The following ZC3H12B variants were observed in gnomAD, a reference collection of about 807,000 sequenced individuals.
ZC3H12B encodes probable ribonuclease ZC3H12B.
Under a neutral mutation model 43.9 loss-of-function variants are expected in ZC3H12B, and 7 were observed. The ratio of observed to expected loss-of-function variants is 0.16; its 90% CI spans 0.09 to 0.30. The LOEUF (loss-of-function observed/expected upper bound fraction) is 0.30, where lower values mean the gene tolerates loss of function less well. ZC3H12B is among the 10% of genes least tolerant of loss of function. ZC3H12B has a pLI of 1.00. For synonymous variants in ZC3H12B, 222 were observed against 241.7 expected (o/e 0.92, Z 0.76); for missense variants, 475 against 670.2 (o/e 0.71, Z 3.22).
chrX:65,312,632 A>C, the ZC3H12B span, among the ~76,000 whole-genome samples: 1 of 111,708 alleles, frequency 9.0e-6, no homozygotes, highest in Non-Finnish European at 1.9e-5. Flanking sequence ...ATAAGGAACA[A>C]AAATTTATGT....
At chrX:65,352,874 G>T in the ZC3H12B span, among the ~76,000 whole-genome samples, 1 of 111,631 alleles carries the variant, frequency 9.0e-6, no homozygotes, top group Non-Finnish European at 1.9e-5. Flanking sequence ...CTGGGATAGG[G>T]TCTCGCTCTG....
chrX:65,153,467 A>T, the ZC3H12B span, among the ~76,000 whole-genome samples: 1 of 112,493 alleles, frequency 8.9e-6, no homozygotes, highest in South Asian at 3.6e-4. Flanking sequence ...CAGCCAAAAA[A>T]CACATGAAAA....
the ZC3H12B span, among the ~76,000 whole-genome samples, chrX:65,274,275 C>A: frequency 1.8e-5 from 2 of 111,625 alleles, no homozygotes; most frequent in Non-Finnish European, 3.8e-5. Context: ...GCTGCATTGC[C>A]CCAGATTAGG....
At chrX:65,310,257 G>A in the ZC3H12B span, among the ~76,000 whole-genome samples, 12 of 111,624 alleles carry the variant, frequency 1.1e-4, no homozygotes, top group African/African-American at 3.6e-4. Context: ...AAACCCCATC[G>A]TCTCAGCCCA....
the ZC3H12B span, among the ~76,000 whole-genome samples, chrX:65,137,930 G>A: frequency 8.9e-6 from 1 of 112,398 alleles, no homozygotes; most frequent in Non-Finnish European, 1.9e-5. Flanking sequence ...GTGGGTTCAA[G>A]TGATTGTCCT....
At chrX:65,356,551 A>T in the ZC3H12B span, among the ~76,000 whole-genome samples, 1 of 112,299 alleles carries the variant, frequency 8.9e-6, no homozygotes, top group African/African-American at 3.2e-5. Context: ...TTGCCAAAAA[A>T]ATTCCTTCAT....
At chrX:65,207,217 T>C in the ZC3H12B span, among the ~76,000 whole-genome samples, 1 of 105,919 alleles carries the variant, frequency 9.4e-6, no homozygotes, top group Non-Finnish European at 1.9e-5. Flanking sequence ...CACATGTTTA[T>C]AGGAGCACAT....
the ZC3H12B span, among the ~76,000 whole-genome samples, chrX:65,348,494 T>A: frequency 9.0e-6 from 1 of 111,189 alleles, no homozygotes; most frequent in African/African-American, 3.3e-5. Context: ...AATGACAGGA[T>A]AAAATTCAAA....
intron 3 of ZC3H12B, among the ~76,000 whole-genome samples, chrX:65,483,061 T>C (rs763375608): frequency 1.8e-5 from 2 of 112,252 alleles, no homozygotes; most frequent in Non-Finnish European, 3.8e-5. Flanking sequence ...CAGTTGTTTT[T>C]AGCTCTGATT....
At chrX:65,160,854 A>G in the ZC3H12B span, among the ~76,000 whole-genome samples, 5 of 110,233 alleles carry the variant, frequency 4.5e-5, no homozygotes, top group African/African-American at 1.3e-4. Context: ...TGTGATGTTA[A>G]AGTGTCAATT....
At chrX:65,123,390 T>C in the ZC3H12B span, among the ~76,000 whole-genome samples, 1 of 111,350 alleles carries the variant, frequency 9.0e-6, no homozygotes, top group African/African-American at 3.3e-5. Flanking sequence ...AAATTCTCTT[T>C]TTGTGTGTGT....
the ZC3H12B span, among the ~76,000 whole-genome samples, chrX:65,323,111 T>A: frequency 8.9e-6 from 1 of 112,172 alleles, no homozygotes. Flanking sequence ...ATTTAACTTC[T>A]TTTTTTCCTA....
chrX:65,115,971 G>C, the ZC3H12B span, among the ~76,000 whole-genome samples: 1 of 111,039 alleles, frequency 9.0e-6, no homozygotes. Context: ...TGTATCAACT[G>C]TGAAGATTTT....
chrX:65,269,207 T>A, the ZC3H12B span, among the ~76,000 whole-genome samples: 3 of 110,018 alleles, frequency 2.7e-5, no homozygotes, highest in African/African-American at 9.9e-5. Flanking sequence ...TAGCTGCACG[T>A]GGTGGTAAAC....
the ZC3H12B span, among the ~76,000 whole-genome samples, chrX:65,301,979 T>A: frequency 4.7e-5 from 5 of 105,864 alleles, no homozygotes; most frequent in East Asian, 2.9e-4. Flanking sequence ...ATTTATGATT[T>A]AAAAAAAAAA....
intron 2 of ZC3H12B, among the ~76,000 whole-genome samples, chrX:65,392,089 T>G: frequency 9.0e-6 from 1 of 111,129 alleles, no homozygotes; most frequent in Non-Finnish European, 1.9e-5. Context: ...CAGACTGGAG[T>G]GCAGTGGCAT....
the ZC3H12B span, among the ~76,000 whole-genome samples, chrX:65,334,314 T>A: frequency 1.8e-5 from 2 of 112,268 alleles, no homozygotes; most frequent in Non-Finnish European, 3.8e-5. Context: ...TTTTACAAGA[T>A]TAATTTTTCA....
intron 3 of ZC3H12B, among the ~76,000 whole-genome samples, chrX:65,433,284 C>T (rs1410212982): frequency 8.9e-6 from 1 of 112,107 alleles, no homozygotes; most frequent in African/African-American, 3.2e-5. Flanking sequence ...GAGTCACCAC[C>T]CCTGCATCTT....
chrX:65,207,589 C>T, the ZC3H12B span, among the ~76,000 whole-genome samples: 6 of 110,072 alleles, frequency 5.5e-5, no homozygotes, highest in Non-Finnish European at 1.1e-4. Flanking sequence ...CACTAAAGAA[C>T]TTTTGAGAAG....
Sources: allele counts gnomAD v4.1 joint callset (sites outside exome capture counted in the v4.1 genomes callset), GRCh38; gene constraint gnomAD v4.1.1; transcripts MANE v1.5; gene names NCBI Gene and HGNC (gene_info 2026-07-23, HGNC 2026-07-21).